TRERF1: variants seen among roughly 807,000 people sequenced by gnomAD.
TRERF1 encodes transcriptional-regulating factor 1.
A neutral mutation model predicts 122.9 loss-of-function variants in TRERF1; 27 were observed. The observed-to-expected ratio is 0.22, with a 90% CI of 0.16 to 0.30. The LOEUF is 0.30. TRERF1 is among the 10% of genes least tolerant of loss of function. TRERF1 has a pLI of 1.00. For synonymous variants in TRERF1, 636 were observed against 641.7 expected (o/e 0.99, Z 0.13); for missense variants, 1,248 against 1,560.3 (o/e 0.80, Z 3.37).
intron 15 of TRERF1, among the ~76,000 whole-genome samples, chr6:42,240,109 G>A (rs1773323305): frequency 6.6e-6 from 1 of 152,200 alleles, no homozygotes; most frequent in Non-Finnish European, 1.5e-5. Flanking sequence ...TCTGCCTTGT[G>A]TGGAAACATC....
chr6:42,302,183 C>A (rs534702076), intron 3 of TRERF1, among the ~76,000 whole-genome samples: 1 of 152,286 alleles, frequency 6.6e-6, no homozygotes, highest in African/African-American at 2.4e-5. Context: ...GAAAATAAAT[C>A]ATTTTCAAGA....
intron 4 of TRERF1, among the ~76,000 whole-genome samples, chr6:42,280,965 C>T (rs1782200690): frequency 6.6e-6 from 1 of 152,210 alleles, no homozygotes; most frequent in Non-Finnish European, 1.5e-5. Flanking sequence ...AATTCCCCCT[C>T]ACCTGAGATT....
intron 4 of TRERF1, among the ~76,000 whole-genome samples, chr6:42,289,139 C>T (rs1344822304): frequency 6.6e-6 from 1 of 152,060 alleles, no homozygotes; most frequent in Non-Finnish European, 1.5e-5. Flanking sequence ...ACCTGGCCAA[C>T]ATGGTGAAAC....
At chr6:42,421,176 G>A (rs1043511661) in intron 2 of TRERF1, among the ~76,000 whole-genome samples, 2 of 152,214 alleles carry the variant, frequency 1.3e-5, no homozygotes, top group African/African-American at 4.8e-5. Flanking sequence ...TTCAATGAGT[G>A]AATGTATAGA....
At chr6:42,402,687 C>G (rs1582020712) in intron 2 of TRERF1, among the ~76,000 whole-genome samples, 1 of 152,186 alleles carries the variant, frequency 6.6e-6, no homozygotes, top group South Asian at 2.1e-4. Context: ...CATGTGGTCA[C>G]TTATTCAACA....
intron 4 of TRERF1, among the ~76,000 whole-genome samples, chr6:42,282,504 C>G (rs138732039): frequency 6.6e-6 from 1 of 152,090 alleles, no homozygotes; most frequent in Admixed American, 6.5e-5. Flanking sequence ...GCCATGATGG[C>G]GCCATTGCAT....
chr6:42,288,953 CTGTG>C (rs3074800), intron 4 of TRERF1, among the ~76,000 whole-genome samples: 45,145 of 144,176 alleles, frequency 0.31, 6,864 homozygotes, highest in East Asian at 0.44. Flanking sequence ...ATCTTGAACT[CTGTG>C]TGTGTGTGTG....
chr6:42,282,173 C>G (rs933368688), intron 4 of TRERF1, among the ~76,000 whole-genome samples: 1 of 152,144 alleles, frequency 6.6e-6, no homozygotes, highest in Admixed American at 6.5e-5. Flanking sequence ...AGACTGAAAA[C>G]AACCCAAATG....
chr6:42,374,764 T>C (rs1774507828), intron 2 of TRERF1, among the ~76,000 whole-genome samples: 1 of 151,794 alleles, frequency 6.6e-6, no homozygotes, highest in Admixed American at 6.6e-5. Context: ...TCCCAGCACT[T>C]TGGGAGGCTG....
chr6:42,412,732 C>T (rs952969683), intron 2 of TRERF1, among the ~76,000 whole-genome samples: 4 of 151,912 alleles, frequency 2.6e-5, no homozygotes, highest in Admixed American at 2.0e-4. Flanking sequence ...CAAGATCAGC[C>T]TGGGAAACAT....
chr6:42,370,334 G>C (rs917115769), intron 2 of TRERF1, among the ~76,000 whole-genome samples: 1 of 152,012 alleles, frequency 6.6e-6, no homozygotes, highest in African/African-American at 2.4e-5. Context: ...CTGAGTGGTG[G>C]GATTATGGGT....
In TRERF1 at chr6:42,280,933, T is replaced by A. The variant is rs552083356; in HGVS notation, c.-258-11085A>T. On this transcript the variant is annotated intron_variant, in intron 4 of 17. Coordinates refer to ENST00000372922, the Ensembl canonical transcript of TRERF1. ...ATAAATGCTTCTAAGAATTCAGTGTTATGGAATAAAGTTGGAAGTGAAATT... is the reference window on the plus strand; with the variant it reads ...ATAAATGCTTCTAAGAATTCAGTGTAATGGAATAAAGTTGGAAGTGAAATT... 3.9e-4 allele frequency among the ~76,000 whole-genome samples: 60 copies of A among 152,348 alleles called. 1 individual carries two copies. The Middle Eastern group carries it at 0.017, about 43-fold the overall frequency.
At chr6:42,274,947 C>T (rs1157212027) in intron 4 of TRERF1, among the ~76,000 whole-genome samples, 1 of 152,110 alleles carries the variant, frequency 6.6e-6, no homozygotes, top group Non-Finnish European at 1.5e-5. Context: ...GAAAAGTCTC[C>T]CTCCACCTTC....
intron 2 of TRERF1, among the ~76,000 whole-genome samples, chr6:42,387,253 T>C (rs1388388938): frequency 1.3e-5 from 2 of 152,184 alleles, no homozygotes; most frequent in Admixed American, 1.3e-4. Context: ...TTCTCAGAAG[T>C]TTCAAAATAC....
At position 42,232,183 on chromosome 6, in the gene TRERF1, C is replaced by T. The variant is rs1332934076; in HGVS notation, c.3278+498G>A. 2.0e-5 allele frequency among the ~76,000 whole-genome samples: 3 copies of T among 152,298 alleles called. No individual in the cohort carries two copies. Among genetic ancestry groups the T allele is most frequent in the East Asian group, 3.9e-4 (2 of 5,188 alleles). ...GCATGACAACAAAAAGTAATTGAGG[C>T]TTTGTCTTAAAGTGATAGCAAAGTG... On this transcript the variant is annotated intron_variant, in intron 17 of 17. Coordinates refer to ENST00000372922, the Ensembl canonical transcript of TRERF1. This position sits in a 1 kb window ranked among gnomAD's most constrained non-coding sequence, Gnocchi z 4.5.
At chr6:42,238,691 T>G (rs906347002) in intron 15 of TRERF1, among the ~76,000 whole-genome samples, 5 of 152,018 alleles carry the variant, frequency 3.3e-5, no homozygotes, top group African/African-American at 1.2e-4. Flanking sequence ...AGCATGCAAA[T>G]GGAATTCATA....
chr6:42,349,099 T>C (rs1768893687), intron 3 of TRERF1, among the ~76,000 whole-genome samples: 1 of 152,182 alleles, frequency 6.6e-6, no homozygotes, highest in Non-Finnish European at 1.5e-5. Flanking sequence ...TGGAGGTACC[T>C]ACTTCCCCAG....
At chr6:42,281,717 G>A (rs529163607) in intron 4 of TRERF1, among the ~76,000 whole-genome samples, 55 of 152,178 alleles carry the variant, frequency 3.6e-4, no homozygotes, top group Admixed American at 2.0e-3. Context: ...GGTCACAGAG[G>A]GGTGGCTGTA....
At chr6:42,380,952 A>G (rs529888160) in intron 2 of TRERF1, among the ~76,000 whole-genome samples, 1 of 152,206 alleles carries the variant, frequency 6.6e-6, no homozygotes, top group African/African-American at 2.4e-5. Flanking sequence ...GGAAACATCC[A>G]TTTCCATGAG....
Sources: gnomAD v4.1 joint callset for allele counts (sites outside exome capture counted in the v4.1 genomes callset) on GRCh38, gnomAD v4.1.1 for gene constraint, Gnocchi (gnomAD v3.1) non-coding constraint, MANE v1.5 for transcripts, NCBI Gene and HGNC (gene_info 2026-07-23, HGNC 2026-07-21) for gene names.